The following CCDC102B variants were observed in gnomAD, a reference collection of about 807,000 sequenced individuals.
CCDC102B encodes the protein coiled-coil domain containing 102B, also known as coiled-coil domain-containing protein 102B.
In CCDC102B, 75 loss-of-function variants were observed where a neutral mutation model predicts 57.4. The ratio of observed to expected loss-of-function variants is 1.31; its 90% CI spans 1.08 to 1.58. The LOEUF is 1.58. Ranked by LOEUF, CCDC102B falls within the 40% of genes most tolerant of loss-of-function variation. The pLI is 0.00. For missense variants in CCDC102B, 636 were observed against 582.6 expected (o/e 1.09, Z -0.94); for synonymous variants, 206 against 201.9 (o/e 1.02, Z -0.17).
rs577869329 is a variant in CCDC102B at position 68,807,312 on chromosome 18, A to T, written c.-16+9131A>T. Among the ~76,000 whole-genome samples, 7 of 152,294 alleles carry T rather than the reference A, an allele frequency of 4.6e-5. No individual in the cohort carries two copies. In the East Asian group the frequency reaches 1.2e-3, roughly 25 times the overall value. On this transcript the variant is annotated intron_variant, in intron 1 of 7. Transcript: ENST00000360242. ...AAAATCAGGCAATGATAAAAATGAT[A>T]AAACTCAATTTAGGAGTCCACACAA...
intron 6 of CCDC102B, among the ~76,000 whole-genome samples, chr18:68,964,104 C>T (rs1301685547): frequency 1.3e-5 from 2 of 151,884 alleles, no homozygotes; most frequent in Admixed American, 6.6e-5. Context: ...TACATAACCA[C>T]AAATGTATCT....
chr18:68,998,967 CATAT>C (rs377246950), intron 6 of CCDC102B, among the ~76,000 whole-genome samples: 3,136 of 91,640 alleles, frequency 0.034, 92 homozygotes, highest in African/African-American at 0.092. Flanking sequence ...ACATAATCAT[CATAT>C]ATATATATAT....
chr18:68,821,282 A>G (rs1302277044), intron 1 of CCDC102B, among the ~76,000 whole-genome samples: 1 of 152,074 alleles, frequency 6.6e-6, no homozygotes, highest in African/African-American at 2.4e-5. Context: ...TCTTCAATTT[A>G]GTGCAGTCAT....
At chr18:68,717,516 C>T (rs1029754345) in intron 2 of CCDC102B, among the ~76,000 whole-genome samples, 4 of 152,020 alleles carry the variant, frequency 2.6e-5, no homozygotes, top group African/African-American at 9.7e-5. Context: ...ATTACATTTC[C>T]GTTGCACATC....
chr18:69,020,877 C>G (rs552790362), intron 7 of CCDC102B, among the ~76,000 whole-genome samples: 40 of 152,244 alleles, frequency 2.6e-4, no homozygotes, highest in Non-Finnish European at 3.2e-4. Flanking sequence ...TAGTGTAATA[C>G]ATCTTCTAGA....
chr18:68,758,215 ATATG>A (rs1261050066), intron 2 of CCDC102B, among the ~76,000 whole-genome samples: 1 of 151,780 alleles, frequency 6.6e-6, no homozygotes, highest in Non-Finnish European at 1.5e-5. Context: ...GTATATGTAT[ATATG>A]TATTACATAT....
intron 6 of CCDC102B, among the ~76,000 whole-genome samples, chr18:68,929,380 C>T (rs1236183174): frequency 6.6e-6 from 1 of 151,852 alleles, no homozygotes; most frequent in Admixed American, 6.6e-5. Flanking sequence ...TTTTATCCTT[C>T]TGAGTTTTCC....
intron 2 of CCDC102B, among the ~76,000 whole-genome samples, chr18:68,738,400 C>T (rs894524533): frequency 2.0e-5 from 3 of 152,212 alleles, no homozygotes; most frequent in African/African-American, 2.4e-5. Flanking sequence ...ACCTGGAATA[C>T]GGGTCTATCC....
At chr18:68,958,416 T>C (rs777338294) in intron 6 of CCDC102B, among the ~76,000 whole-genome samples, 22 of 152,212 alleles carry the variant, frequency 1.4e-4, no homozygotes, top group Non-Finnish European at 2.4e-4. Context: ...TTTGCATATG[T>C]TTAACTATTC....
intron 5 of CCDC102B, among the ~76,000 whole-genome samples, chr18:68,884,268 T>C (rs1457056857): frequency 1.3e-5 from 2 of 152,112 alleles, no homozygotes; most frequent in East Asian, 3.9e-4. Context: ...AACCCAGTGT[T>C]CACTTATGAA....
chr18:68,990,181 T>C (rs1178982871), intron 6 of CCDC102B, among the ~76,000 whole-genome samples: 1 of 152,200 alleles, frequency 6.6e-6, no homozygotes, highest in Non-Finnish European at 1.5e-5. Context: ...AAACTCCTAG[T>C]GGCACATGTT....
chr18:69,011,117 G>C lies in CCDC102B; in HGVS notation c.1434+13G>C, dbSNP rs2051503662. 2.5e-6 allele frequency: 4 copies of C among 1,608,886 alleles called. No individual in the cohort carries two copies. The highest frequency in any genetic ancestry group is 3.4e-6 in the Non-Finnish European group (4 of 1,177,324). ...AAAAGAAGATGAGGTACTACTTTATGAGTGAACACGTGCTGGACAGCTTCT... is the reference window on the plus strand; with the variant it reads ...AAAAGAAGATGAGGTACTACTTTATCAGTGAACACGTGCTGGACAGCTTCT... On this transcript the variant is annotated intron_variant, in intron 7 of 7. Coordinates refer to ENST00000360242, the MANE Select transcript of CCDC102B (RefSeq NM_024781.3).
At chr18:68,923,350 T>C in intron 6 of CCDC102B, among the ~76,000 whole-genome samples, 1 of 152,092 alleles carries the variant, frequency 6.6e-6, no homozygotes, top group Non-Finnish European at 1.5e-5. Flanking sequence ...AATGTATATA[T>C]GTATTTTTAT....
chr18:69,016,921 C>T (rs1034882791), intron 7 of CCDC102B, among the ~76,000 whole-genome samples: 1 of 151,980 alleles, frequency 6.6e-6, no homozygotes, highest in African/African-American at 2.4e-5. Context: ...CTTTGGTTCT[C>T]AATGATAGGT....
intron 5 of CCDC102B, among the ~76,000 whole-genome samples, chr18:68,880,004 A>G (rs1455655915): frequency 6.6e-6 from 1 of 152,282 alleles, no homozygotes; most frequent in East Asian, 1.9e-4. Context: ...TGCACTCCTC[A>G]GCCCTTGGGT....
intron 6 of CCDC102B, among the ~76,000 whole-genome samples, chr18:68,990,731 A>G (rs2050842884): frequency 6.6e-6 from 1 of 152,166 alleles, no homozygotes. Flanking sequence ...CCAATCCTAT[A>G]GATTTTTCCT....
intron 2 of CCDC102B, among the ~76,000 whole-genome samples, chr18:68,791,184 G>T (rs2035446702): frequency 6.7e-6 from 1 of 150,010 alleles, no homozygotes; most frequent in Non-Finnish European, 1.5e-5. Context: ...AGCAAGGGCT[G>T]CCCAAATAGT....
chr18:68,890,661 G>C (rs1170088614), intron 5 of CCDC102B, among the ~76,000 whole-genome samples: 1 of 152,098 alleles, frequency 6.6e-6, no homozygotes, highest in Non-Finnish European at 1.5e-5. Flanking sequence ...TTTAGAGATA[G>C]TATATATTAA....
chr18:68,986,058 T>C (rs539166159), intron 6 of CCDC102B, among the ~76,000 whole-genome samples: 2 of 152,068 alleles, frequency 1.3e-5, no homozygotes, highest in Non-Finnish European at 2.9e-5. Flanking sequence ...GAACATATTA[T>C]TTATCTTCAA....
Sources: gnomAD v4.1 joint callset for allele counts (sites outside exome capture counted in the v4.1 genomes callset) on GRCh38, gnomAD v4.1.1 for gene constraint, MANE v1.5 for transcripts, NCBI Gene and HGNC (gene_info 2026-07-23, HGNC 2026-07-21) for gene names.